The following MNAT1 variants were observed in gnomAD, a reference collection of about 807,000 sequenced individuals.
The protein encoded by MNAT1 is CDK-activating kinase assembly factor MAT1.
A neutral mutation model predicts 42.0 loss-of-function variants in MNAT1; 43 were observed. That is an observed-to-expected ratio of 1.02 (90% CI 0.80 to 1.32). The LOEUF (loss-of-function observed/expected upper bound fraction) is 1.32. Among genes scored for constraint, MNAT1 ranks in the 40% most tolerant of loss-of-function variants. MNAT1 has a pLI of 0.00. For synonymous variants in MNAT1, 118 were observed against 120.0 expected, an observed-to-expected ratio of 0.98 and a Z score of 0.11; for missense variants, 306 against 350.4, an observed-to-expected ratio of 0.87 and a Z score of 1.01.
intron 7 of MNAT1, among the ~76,000 whole-genome samples, chr14:60,921,754 G>T (rs1227799459): frequency 5.3e-5 from 8 of 152,010 alleles, no homozygotes; most frequent in African/African-American, 1.9e-4. Flanking sequence ...ATGGTTTTTT[G>T]TTTCTCTTTA....
intron 6 of MNAT1, among the ~76,000 whole-genome samples, chr14:60,872,165 A>T (rs1377765026): frequency 1.3e-5 from 2 of 151,940 alleles, no homozygotes; most frequent in East Asian, 3.9e-4. Flanking sequence ...GCACAGGGGG[A>T]GCAGGCACAC....
chr14:60,940,256 T>C (rs2036114603), intron 7 of MNAT1, among the ~76,000 whole-genome samples: 1 of 152,310 alleles, frequency 6.6e-6, no homozygotes, highest in African/African-American at 2.4e-5. Flanking sequence ...TTGTTATGTG[T>C]GAATTTGATC....
chr14:60,773,793 C>T (rs2031151497), intron 1 of MNAT1, among the ~76,000 whole-genome samples: 1 of 152,184 alleles, frequency 6.6e-6, no homozygotes, highest in South Asian at 2.1e-4. Flanking sequence ...TATGCTGATG[C>T]CCATGTGCTG....
chr14:60,944,199 C>T (rs540547643), intron 7 of MNAT1, among the ~76,000 whole-genome samples: 1 of 152,270 alleles, frequency 6.6e-6, no homozygotes, highest in South Asian at 2.1e-4. Flanking sequence ...AGTTAACTGA[C>T]TCTTACCCTG....
intron 6 of MNAT1, among the ~76,000 whole-genome samples, chr14:60,877,915 A>G (rs2034468944): frequency 6.6e-6 from 1 of 152,010 alleles, no homozygotes; most frequent in South Asian, 2.1e-4. Context: ...TTCTTATTTT[A>G]TTTGTATATG....
At chr14:60,918,374 A>C (rs2035578215) in intron 7 of MNAT1, among the ~76,000 whole-genome samples, 1 of 150,480 alleles carries the variant, frequency 6.6e-6, no homozygotes, top group East Asian at 2.0e-4. Context: ...ATACCGGGCT[A>C]ATTTTTTGTA....
chr14:60,869,099 C>T (rs1160178590), intron 6 of MNAT1, among the ~76,000 whole-genome samples: 1 of 141,888 alleles, frequency 7.0e-6, no homozygotes, highest in Non-Finnish European at 1.5e-5. Context: ...AGTGCAGTGG[C>T]ATGATCTCGG....
chr14:60,771,170 G>A (rs2140307111), intron 1 of MNAT1, among the ~76,000 whole-genome samples: 1 of 152,136 alleles, frequency 6.6e-6, no homozygotes, highest in Middle Eastern at 3.4e-3. Flanking sequence ...GCAGTATGGA[G>A]GGTTTTTTTG....
intron 6 of MNAT1, among the ~76,000 whole-genome samples, chr14:60,854,599 G>GA (rs1031476934): frequency 2.0e-5 from 3 of 152,120 alleles, no homozygotes; most frequent in Non-Finnish European, 2.9e-5. Flanking sequence ...GTCCACTCCA[G>GA]ACCCTGTTCA....
At chr14:60,735,297 A>G (rs970337733) in intron 1 of MNAT1, among the ~76,000 whole-genome samples, 4 of 152,166 alleles carry the variant, frequency 2.6e-5, no homozygotes, top group African/African-American at 9.7e-5. Flanking sequence ...TGTTTATTTC[A>G]TATGAAATGT....
At chr14:60,965,077 G>A (rs1359617729) in intron 7 of MNAT1, among the ~76,000 whole-genome samples, 3 of 152,152 alleles carry the variant, frequency 2.0e-5, no homozygotes, top group Non-Finnish European at 2.9e-5. Flanking sequence ...ATCAAAAACA[G>A]CAAAGTAAAT....
chr14:60,956,559 A>G (rs1422421840), intron 7 of MNAT1, among the ~76,000 whole-genome samples: 9 of 152,134 alleles, frequency 5.9e-5, no homozygotes, highest in Admixed American at 1.3e-4. Context: ...CTTTACTGAT[A>G]TTCTTTCTGG....
At chr14:60,823,833 T>C (rs2032975694) in intron 6 of MNAT1, among the ~76,000 whole-genome samples, 1 of 151,618 alleles carries the variant, frequency 6.6e-6, no homozygotes, top group African/African-American at 2.4e-5. Flanking sequence ...CACCCTAGCC[T>C]GGGCAACAAA....
At chr14:60,879,320 A>G (rs1203793524) in intron 6 of MNAT1, among the ~76,000 whole-genome samples, 3 of 152,208 alleles carry the variant, frequency 2.0e-5, no homozygotes, top group African/African-American at 7.2e-5. Context: ...GGTGCTGTTC[A>G]GACATGTTAT....
intron 7 of MNAT1, among the ~76,000 whole-genome samples, chr14:60,939,969 C>G (rs1422938940): frequency 5.3e-5 from 8 of 152,082 alleles, no homozygotes; most frequent in Admixed American, 5.2e-4. Flanking sequence ...TTGAATTGAT[C>G]CCTTTACCAT....
chr14:60,969,190 T>G lies in MNAT1; in HGVS notation c.*841T>G, dbSNP rs2139633136. On this transcript the variant is annotated 3_prime_UTR_variant, in exon 8 of 8. Transcript: ENST00000261245. ...CTGATACAGTTTTTTTGTTGAAACT[T>G]CAAAGGCTTTTATTACCAGGGTTTT... The G allele has an allele frequency of 6.6e-6, 1 of 152,362 alleles. No homozygotes were observed. The highest frequency in any genetic ancestry group is 1.5e-5 in the Non-Finnish European group (1 of 68,066). The allele number at this position is 152,362 out of a possible 1,614,324, so 9.4% of individuals were successfully genotyped here. A position where few individuals can be genotyped will look rare whatever the true frequency, so the allele number is the denominator to read the frequency against.
chr14:60,837,295 G>A (rs1316777602), intron 6 of MNAT1, among the ~76,000 whole-genome samples: 2 of 152,216 alleles, frequency 1.3e-5, no homozygotes, highest in Non-Finnish European at 2.9e-5. Context: ...AGCTAGCTCA[G>A]TGTCTGCCCA....
intron 7 of MNAT1, among the ~76,000 whole-genome samples, chr14:60,886,136 A>G (rs1306422792): frequency 1.3e-5 from 2 of 152,052 alleles, no homozygotes; most frequent in African/African-American, 2.4e-5. Flanking sequence ...TTTTGTGTCA[A>G]TACCATACTA....
At chr14:60,813,110 C>T (rs1465591661) in intron 5 of MNAT1, among the ~76,000 whole-genome samples, 1 of 152,192 alleles carries the variant, frequency 6.6e-6, no homozygotes, top group African/African-American at 2.4e-5. Context: ...GGGTTGTGGG[C>T]CCCCTCACCT....
Sources: allele counts gnomAD v4.1 joint callset (sites outside exome capture counted in the v4.1 genomes callset), GRCh38; gene constraint gnomAD v4.1.1; transcripts MANE v1.5; gene names NCBI Gene and HGNC (gene_info 2026-07-23, HGNC 2026-07-21).